ARHGEF28: variants seen among roughly 807,000 people sequenced by gnomAD.
ARHGEF28 encodes 190 kDa guanine nucleotide exchange factor.
A neutral mutation model predicts 206.6 loss-of-function variants in ARHGEF28; 152 were observed. The ratio of observed to expected loss-of-function variants is 0.74; its 90% CI spans 0.64 to 0.84. The LOEUF (loss-of-function observed/expected upper bound fraction) is 0.84. Ranked by LOEUF, ARHGEF28 falls within the 40% of genes least tolerant of loss-of-function variation. ARHGEF28 has a pLI of 0.00. For missense variants in ARHGEF28, 2,028 were observed against 2,073.2 expected, an observed-to-expected ratio of 0.98 and a Z score of 0.42; for synonymous variants, 763 against 776.4, an observed-to-expected ratio of 0.98 and a Z score of 0.29.
chr5:73,626,249 C>G lies in ARHGEF28; in HGVS notation c.-85C>G, dbSNP rs3095861. 0.19 allele frequency: 29,271 copies of G among 151,732 alleles called. 3,119 individuals are homozygous for G. The highest frequency in any genetic ancestry group is 0.23 in the Non-Finnish European group (15,799 of 67,912). 9.4% of individuals were successfully genotyped at this position (151,732 alleles called of 1,614,324 possible). Reference sequence around the variant, plus strand: ...GGCGGCGGCTGGCTGGGGGCGCGTTCCGAGGCGCCCTCAGGCAGGGCGCGG... The same window carrying G: ...GGCGGCGGCTGGCTGGGGGCGCGTTGCGAGGCGCCCTCAGGCAGGGCGCGG... On this transcript the variant is annotated 5_prime_UTR_variant, in exon 1 of 36. Coordinates refer to ENST00000513042, the MANE Select transcript of ARHGEF28 (RefSeq NM_001177693.2).
chr5:73,671,042 GAA>G (rs1483097003), intron 1 of ARHGEF28, among the ~76,000 whole-genome samples: 1 of 151,984 alleles, frequency 6.6e-6, no homozygotes, highest in African/African-American at 2.4e-5. Context: ...GAAAACTGTA[GAA>G]TCTTGACAGA....
intron 2 of ARHGEF28, among the ~76,000 whole-genome samples, chr5:73,698,117 A>G (rs796779161): frequency 6.6e-6 from 1 of 152,300 alleles, no homozygotes; most frequent in African/African-American, 2.4e-5. Flanking sequence ...AAGCTGGCAA[A>G]TTCCATAAAC....
At position 73,832,498 on chromosome 5, in the gene ARHGEF28, T is replaced by C. The variant is rs906918958; in HGVS notation, c.1146+39T>C. 6.9e-6 allele frequency: 11 copies of C among 1,596,944 alleles called. No homozygotes were observed. The African/African-American group carries it at 8.0e-5, about 12-fold the overall frequency. The stretch of plus-strand genomic sequence containing the variant: ...GACATTACAGGATGATTTCTACCTC[T>C]CTCCAAAACCTGGGTTTGTAAGAAA... On this transcript the variant is annotated intron_variant, in intron 10 of 35. Coordinates refer to ENST00000513042, the MANE Select transcript of ARHGEF28 (RefSeq NM_001177693.2).
chr5:73,897,773 G>T (rs184498595), intron 29 of ARHGEF28, among the ~76,000 whole-genome samples, 189 bp from the exon 30 acceptor site: 2 of 152,362 alleles, frequency 1.3e-5, no homozygotes, highest in East Asian at 3.9e-4. Flanking sequence ...GGGTGTGTGT[G>T]TGTGGTGTGC....
At chr5:73,630,944 T>C (rs1319063252) in intron 1 of ARHGEF28, among the ~76,000 whole-genome samples, 1 of 152,352 alleles carries the variant, frequency 6.6e-6, no homozygotes, top group Non-Finnish European at 1.5e-5. Context: ...TCTTATTCCT[T>C]ATCTCTCCTT....
At position 73,753,795 on chromosome 5, in the gene ARHGEF28, T is replaced by C. The variant is rs190011349; in HGVS notation, c.475+593T>C. On this transcript the variant is annotated intron_variant, in intron 4 of 35. Coordinates refer to ENST00000513042, the MANE Select transcript of ARHGEF28 (RefSeq NM_001177693.2). ...GTTATATATAGGCCCTTACTAGACA[T>C]GAGGCTAAACTGATCAATAGATGCT... Among the ~76,000 whole-genome samples, 8 of 152,298 alleles carry C rather than the reference T, an allele frequency of 5.3e-5. No homozygotes were observed. The East Asian group carries it at 1.5e-3, about 29-fold the overall frequency.
chr5:73,688,365 A>G (rs978328515), intron 2 of ARHGEF28, among the ~76,000 whole-genome samples: 6 of 152,058 alleles, frequency 3.9e-5, no homozygotes, highest in African/African-American at 1.4e-4. Flanking sequence ...ACCTGTTTTG[A>G]TGGAATTCTT....
intron 35 of ARHGEF28, among the ~76,000 whole-genome samples, chr5:73,920,609 G>A (rs112000973): frequency 0.14 from 20,091 of 145,614 alleles, 1,636 homozygotes; most frequent in South Asian, 0.3. Context: ...GACTGCAGTG[G>A]CGCTATCCCG....
At chr5:73,747,622 C>G (rs144592298) in intron 2 of ARHGEF28, among the ~76,000 whole-genome samples, 2 of 152,268 alleles carry the variant, frequency 1.3e-5, no homozygotes, top group East Asian at 3.9e-4. Flanking sequence ...TGTATCACCC[C>G]CTTCTTCTTC....
At chr5:73,869,602 C>T (rs533125866) in intron 20 of ARHGEF28, among the ~76,000 whole-genome samples, 1 of 152,252 alleles carries the variant, frequency 6.6e-6, no homozygotes, top group South Asian at 2.1e-4. Flanking sequence ...TTTCATCAGT[C>T]CAGTTTTAAG....
At chr5:73,862,224 C>A (rs568702976) in intron 16 of ARHGEF28, among the ~76,000 whole-genome samples, 5 of 152,098 alleles carry the variant, frequency 3.3e-5, no homozygotes, top group Admixed American at 2.6e-4. Context: ...ATATATCATA[C>A]CTTCATTGCA....
At chr5:73,698,307 T>A (rs1379396543) in intron 2 of ARHGEF28, among the ~76,000 whole-genome samples, 1 of 152,166 alleles carries the variant, frequency 6.6e-6, no homozygotes, top group East Asian at 1.9e-4. Context: ...ACTTTTAATT[T>A]CTCTGTAACA....
chr5:73,738,482 CGTGTGTGTGTGTGTGTGT>C (rs59149035), intron 2 of ARHGEF28, among the ~76,000 whole-genome samples: 46 of 145,684 alleles, frequency 3.2e-4, no homozygotes, highest in African/African-American at 9.7e-4. Flanking sequence ...AGAGTGGCCT[CGTGTGTGTGTGTGTGTGT>C]GTGTGTGTGT....
chr5:73,904,510 A>G, intron 33 of ARHGEF28, 105 bp downstream of exon 33: 1 of 1,242,972 alleles, frequency 8.0e-7, no homozygotes, highest in East Asian at 2.4e-5. Flanking sequence ...GAGGTAGGGA[A>G]TGATCTTAAA....
intron 22 of ARHGEF28, among the ~76,000 whole-genome samples, chr5:73,878,757 G>C (rs7737279): frequency 0.59 from 87,073 of 147,742 alleles, 26,358 homozygotes; most frequent in African/African-American, 0.7. Flanking sequence ...TTGGCCCCCA[G>C]TCTCTTCTGG....
chr5:73,860,136 T>C (rs1303441556), intron 16 of ARHGEF28, among the ~76,000 whole-genome samples: 2 of 152,230 alleles, frequency 1.3e-5, no homozygotes, highest in African/African-American at 4.8e-5. Context: ...TCCTTTTCCC[T>C]AATACTGGGT....
chr5:73,899,749 A>G (rs1226249699), intron 30 of ARHGEF28: 1 of 152,228 alleles, frequency 6.6e-6, no homozygotes, highest in Non-Finnish European at 1.5e-5. Flanking sequence ...AGCCAAGCAG[A>G]CAGCTCTATT....
chr5:73,657,099 G>A (rs1317679889), intron 1 of ARHGEF28, among the ~76,000 whole-genome samples: 4 of 150,734 alleles, frequency 2.7e-5, no homozygotes, highest in African/African-American at 9.8e-5. Flanking sequence ...GGAGAACCTG[G>A]GAGGCAGAGT....
intron 16 of ARHGEF28, among the ~76,000 whole-genome samples, chr5:73,860,724 T>C (rs993523215): frequency 6.6e-6 from 1 of 152,240 alleles, no homozygotes; most frequent in African/African-American, 2.4e-5. Flanking sequence ...CAGTAATCTT[T>C]GTAAAACACC....
Sources: allele counts gnomAD v4.1 joint callset (sites outside exome capture counted in the v4.1 genomes callset), GRCh38; gene constraint gnomAD v4.1.1; transcripts MANE v1.5; gene names NCBI Gene and HGNC (gene_info 2026-07-23, HGNC 2026-07-21).